The following GPALPP1 variants were observed in gnomAD, a reference collection of about 807,000 sequenced individuals.
GPALPP1 encodes the protein GPALPP motifs containing 1, also known as GPALPP motifs-containing protein 1.
In GPALPP1, 30 loss-of-function variants were observed where a neutral mutation model predicts 38.9. The observed-to-expected ratio is 0.77, with a 90% CI of 0.58 to 1.05. GPALPP1 has a LOEUF of 1.05. Among genes scored for constraint, GPALPP1 ranks in the 50% least tolerant of loss-of-function variants. The pLI is 0.00. For synonymous variants in GPALPP1, 120 were observed against 139.2 expected, an observed-to-expected ratio of 0.86 and a Z score of 0.97; for missense variants, 384 against 408.8, an observed-to-expected ratio of 0.94 and a Z score of 0.52.
intron 1 of GPALPP1, among the ~76,000 whole-genome samples, chr13:44,994,993 C>T (rs1035862131): frequency 6.6e-6 from 1 of 151,962 alleles, no homozygotes. Flanking sequence ...AGCTGGGATA[C>T]AGGCGTGCAC....
chr13:45,034,994 T>G (rs1876359530), downstream of GPALPP1: 2 of 143,334 alleles, frequency 1.4e-5, 1 homozygote, highest in African/African-American at 5.1e-5. Flanking sequence ...TCTGGCTCTG[T>G]CTCTCAGGCT....
intron 6 of GPALPP1, among the ~76,000 whole-genome samples, chr13:45,018,432 T>C (rs1044928811): frequency 1.3e-5 from 2 of 151,658 alleles, no homozygotes; most frequent in Non-Finnish European, 1.5e-5. Flanking sequence ...TAGAAAGTAA[T>C]GAAAATGTTT....
chr13:45,028,597 C>G lies in GPALPP1; in HGVS notation c.*594C>G, dbSNP rs985038806. On this transcript the variant is annotated 3_prime_UTR_variant, in exon 8 of 8. Coordinates refer to ENST00000379151, the MANE Select transcript of GPALPP1 (RefSeq NM_018559.5). ...TGCTTAAGATGGTGAGACCCCGTATCTACAAAAAACTAACCAGGTGCAGTG... is the reference window on the plus strand; with the variant it reads ...TGCTTAAGATGGTGAGACCCCGTATGTACAAAAAACTAACCAGGTGCAGTG... 1 of 152,352 alleles carries G rather than the reference C, an allele frequency of 6.6e-6. No homozygotes were observed. The highest frequency in any genetic ancestry group is 2.4e-5 in the African/African-American group (1 of 41,380). The allele number at this position is 152,352 out of a possible 1,614,324, so 9.4% of individuals were successfully genotyped here.
downstream of GPALPP1, among the ~76,000 whole-genome samples, chr13:45,032,930 G>A (rs1299560357): frequency 6.6e-6 from 1 of 151,344 alleles, no homozygotes; most frequent in African/African-American, 2.4e-5. Context: ...CCAGCTACTC[G>A]GGAGGCTGAG....
At chr13:45,034,533 G>A (rs1211038303), downstream of GPALPP1, 1 of 151,994 alleles carries the variant, frequency 6.6e-6, no homozygotes, top group Non-Finnish European at 1.5e-5. Context: ...ATATGCAAAT[G>A]CCCTGAAGCT....
rs116415590 is a variant in GPALPP1 at position 45,007,661 on chromosome 13, T to G, written c.324-1134T>G. ...ACAAGAGATTATTAAATGGTCAGGA[T>G]GGGAACCCAGACTTTCTGACTGTCA... On this transcript the variant is annotated intron_variant, in intron 3 of 7. Transcript: ENST00000379151. 4.9e-3 allele frequency among the ~76,000 whole-genome samples: 748 copies of G among 152,312 alleles called. 3 individuals carry two copies. The highest frequency in any genetic ancestry group is 0.017 in the African/African-American group (699 of 41,570).
chr13:45,031,336 A>G (rs1304759771), downstream of GPALPP1: 1 of 152,188 alleles, frequency 6.6e-6, no homozygotes, highest in African/African-American at 2.4e-5. Context: ...TAATTTTGTT[A>G]TAATTTTTTC....
chr13:44,994,669 G>T (rs762980456), intron 1 of GPALPP1, among the ~76,000 whole-genome samples: 11 of 152,086 alleles, frequency 7.2e-5, no homozygotes, highest in Non-Finnish European at 1.6e-4. Flanking sequence ...GGTGTTATGG[G>T]CCTCCTCACG....
intron 4 of GPALPP1, among the ~76,000 whole-genome samples, chr13:45,011,599 A>G (rs558942207): frequency 4.0e-4 from 61 of 152,248 alleles, no homozygotes; most frequent in African/African-American, 1.4e-3. Flanking sequence ...CACTATCACA[A>G]GAACAGGATG....
chr13:45,014,380 A>G (rs1435217661), intron 4 of GPALPP1, among the ~76,000 whole-genome samples: 5 of 152,240 alleles, frequency 3.3e-5, no homozygotes, highest in Admixed American at 1.3e-4. Flanking sequence ...TTGAGATAAA[A>G]TAATAGACAG....
intron 1 of GPALPP1, among the ~76,000 whole-genome samples, chr13:44,993,805 CTGTT>C (rs1873038463): frequency 2.6e-5 from 3 of 117,018 alleles, no homozygotes; most frequent in African/African-American, 5.7e-5. Context: ...TTGTTAATTT[CTGTT>C]TGTCTTTTTT....
At chr13:45,015,355 G>A in intron 5 of GPALPP1, 77 bp from the exon 6 acceptor site, 1 of 845,000 alleles carries the variant, frequency 1.2e-6, no homozygotes, top group East Asian at 2.7e-5. Context: ...GCATGACACA[G>A]TTGCTTGTAC....
At chr13:45,014,890 G>T (rs2137989592) in intron 4 of GPALPP1, 62 bp from the exon 5 acceptor site, 1 of 1,290,962 alleles carries the variant, frequency 7.7e-7, no homozygotes, top group Non-Finnish European at 1.1e-6. Flanking sequence ...AGGTAATTTA[G>T]AATTATTTTT....
downstream of GPALPP1, chr13:45,034,525 A>G (rs1032185509): frequency 1.3e-5 from 2 of 152,146 alleles, no homozygotes; most frequent in Non-Finnish European, 2.9e-5. Context: ...CTGATCACAT[A>G]TGCAAATGCC....
At chr13:45,004,228 G>A in intron 1 of GPALPP1, 77 bp from the exon 2 acceptor site, 1 of 1,184,094 alleles carries the variant, frequency 8.4e-7, no homozygotes, top group South Asian at 1.4e-5. Flanking sequence ...TTTCAGAAAA[G>A]AAAGTGAAAA....
At chr13:45,017,051 A>T (rs1418675479) in intron 6 of GPALPP1, among the ~76,000 whole-genome samples, 1 of 152,234 alleles carries the variant, frequency 6.6e-6, no homozygotes, top group Non-Finnish European at 1.5e-5. Context: ...CACTTAGTTC[A>T]TTCCACTAGC....
At chr13:45,012,607 G>C (rs1478546725) in intron 4 of GPALPP1, among the ~76,000 whole-genome samples, 1 of 152,128 alleles carries the variant, frequency 6.6e-6, no homozygotes, top group Non-Finnish European at 1.5e-5. Context: ...CAAATGAGTA[G>C]CTTACATCGT....
At chr13:44,995,202 A>ACC (rs1555254079) in intron 1 of GPALPP1, among the ~76,000 whole-genome samples, 295 of 54,536 alleles carry the variant, frequency 5.4e-3, no homozygotes, top group African/African-American at 8.4e-3. Context: ...ACACACACAC[A>ACC]CCCCTTCTCT....
chr13:45,010,752 G>A (rs1874411288), intron 4 of GPALPP1, among the ~76,000 whole-genome samples: 1 of 152,244 alleles, frequency 6.6e-6, no homozygotes, highest in Non-Finnish European at 1.5e-5. Flanking sequence ...GGGAGGCCAA[G>A]GCGGGTGGGT....
Sources: allele counts gnomAD v4.1 joint callset (sites outside exome capture counted in the v4.1 genomes callset), GRCh38; gene constraint gnomAD v4.1.1; transcripts MANE v1.5; gene names NCBI Gene and HGNC (gene_info 2026-07-23, HGNC 2026-07-21).